SASS6: variants seen among roughly 807,000 people sequenced by gnomAD.
SASS6 encodes the protein spindle assembly abnormal protein 6 homolog.
Under a neutral mutation model 94.9 loss-of-function variants are expected in SASS6, and 59 were observed. The observed-to-expected ratio is 0.62, with a 90% CI of 0.50 to 0.77. The LOEUF (loss-of-function observed/expected upper bound fraction) is 0.77, where lower values mean the gene tolerates loss of function less well. Ranked by LOEUF, SASS6 falls within the 30% of genes least tolerant of loss-of-function variation. SASS6 has a pLI of 0.00. For synonymous variants in SASS6, 264 were observed against 270.0 expected (o/e 0.98, Z 0.22); for missense variants, 698 against 734.1 (o/e 0.95, Z 0.57).
At chr1:100,108,296 T>C (rs2101664814) in intron 8 of SASS6, among the ~76,000 whole-genome samples, 1 of 152,248 alleles carries the variant, frequency 6.6e-6, no homozygotes, top group East Asian at 1.9e-4. Flanking sequence ...TTTTCTGATG[T>C]CTCCACAACT....
intron 1 of SASS6, among the ~76,000 whole-genome samples, 154 bp downstream of exon 1, chr1:100,132,596 T>C (rs1655157507): frequency 6.6e-6 from 1 of 151,994 alleles, no homozygotes. Flanking sequence ...GTGAGAGAGG[T>C]AACCACCGGG....
intron 1 of SASS6, among the ~76,000 whole-genome samples, 186 bp from the exon 2 acceptor site, chr1:100,126,128 T>C (rs1035730451): frequency 5.9e-5 from 9 of 152,216 alleles, no homozygotes; most frequent in African/African-American, 2.2e-4. Flanking sequence ...TAGTGAGTAA[T>C]CTAGCAGTGT....
intron 14 of SASS6, among the ~76,000 whole-genome samples, chr1:100,099,879 A>G (rs1006296403): frequency 1.3e-5 from 2 of 152,198 alleles, no homozygotes; most frequent in Admixed American, 6.5e-5. Context: ...TTAAAAGAAA[A>G]AAGATAAATC....
chr1:100,083,806 A>G lies in SASS6; in HGVS notation c.*1522T>C, dbSNP rs1651020625. 6.6e-6 allele frequency: 1 copy of G among 151,948 alleles called. No individual in the cohort carries two copies. The highest frequency in any genetic ancestry group is 2.1e-4 in the South Asian group (1 of 4,834). 9.4% of individuals were successfully genotyped at this position (151,948 alleles called of 1,614,324 possible). A position where few individuals can be genotyped will look rare whatever the true frequency, so the allele number is the denominator to read the frequency against. On this transcript the variant is annotated 3_prime_UTR_variant, in exon 17 of 17. Coordinates refer to ENST00000287482, the MANE Select transcript of SASS6 (RefSeq NM_194292.3). ...ACTTTCCTTGTGTATATATATGCAA[A>G]GAGATACCTATATTTTAAAAAAGAG...
intron 8 of SASS6, among the ~76,000 whole-genome samples, chr1:100,108,989 A>G (rs944422483): frequency 1.3e-5 from 2 of 151,270 alleles, no homozygotes; most frequent in African/African-American, 4.9e-5. Context: ...GTTAAAAAAA[A>G]AAGCTCCAAG....
At chr1:100,109,946 A>C (rs374081406) in intron 8 of SASS6, among the ~76,000 whole-genome samples, 5 of 152,104 alleles carry the variant, frequency 3.3e-5, no homozygotes, top group African/African-American at 1.2e-4. Flanking sequence ...ATTGTTTGAT[A>C]TATGTTAAGC....
At chr1:100,115,028 TTTTAG>T (rs1294806406) in intron 7 of SASS6, among the ~76,000 whole-genome samples, 1 of 152,182 alleles carries the variant, frequency 6.6e-6, no homozygotes, top group African/African-American at 2.4e-5. Context: ...CAGTGAGATA[TTTTAG>T]TTATTTACCA....
chr1:100,107,547 C>A lies in SASS6; in HGVS notation c.1153G>T (p.Glu385Ter). ...TCCCCTTGTAACTTCTTGATAATTTCATTTGCCTATAAAAGAGCTTCATAT... is the reference window on the plus strand; with the variant it reads ...TCCCCTTGTAACTTCTTGATAATTTAATTTGCCTATAAAAGAGCTTCATAT... ...SLSAELLKANEIIKKLQGDLK... is the reference protein window; with the variant it reads ...SLSAELLKAN The change falls in exon 11 of 17, where the codon GAA becomes TAA. Residue 385 changes from glutamate to a stop codon, truncating the protein, a stop_gained. Transcript: ENST00000287482. LOFTEE classifies it high-confidence loss of function. The A allele has an allele frequency of 6.3e-7, 1 of 1,595,826 alleles. No individual in the cohort carries two copies. The highest frequency in any genetic ancestry group is 1.1e-5 in the South Asian group (1 of 88,432).
At chr1:100,093,088 C>T (rs151169616) in intron 14 of SASS6, among the ~76,000 whole-genome samples, 14 of 151,780 alleles carry the variant, frequency 9.2e-5, no homozygotes, top group African/African-American at 2.7e-4. Flanking sequence ...TATTATAATG[C>T]CTGGAGCAAC....
At chr1:100,110,554 G>A (rs1653247555) in intron 7 of SASS6, 71 bp from the exon 8 acceptor site, 3 of 767,522 alleles carry the variant, frequency 3.9e-6, no homozygotes, top group Non-Finnish European at 3.9e-6. Flanking sequence ...AGAAAGATTT[G>A]AACAAAAAAA....
chr1:100,090,598 G>C (rs765839100), intron 14 of SASS6, among the ~76,000 whole-genome samples: 14 of 152,116 alleles, frequency 9.2e-5, no homozygotes, highest in Non-Finnish European at 1.9e-4. Flanking sequence ...CTTTGAAGGA[G>C]GGGAATCATA....
At chr1:100,107,303 G>GT (rs1259652487) in intron 11 of SASS6, 71 bp downstream of exon 11, 1 of 923,860 alleles carries the variant, frequency 1.1e-6, no homozygotes, top group Non-Finnish European at 1.7e-6. Flanking sequence ...ATTTGTTAAT[G>GT]TAACAAAGCA....
In SASS6 at chr1:100,119,028, T is replaced by TTTTC; in HGVS notation, c.655_658dup (p.Lys220ArgfsTer15). 1 of 1,574,014 alleles carries TTTTC rather than the reference T, an allele frequency of 6.4e-7. No homozygotes were observed. Among genetic ancestry groups the TTTTC allele is most frequent in the Non-Finnish European group, 8.6e-7 (1 of 1,157,458 alleles). ...CTTTAATGTTCTTACCTGCAAGGCT[T>TTTTC]TTTCCTTTTCATTTGTCAGTTCCTG... On this transcript the variant is annotated frameshift_variant, in exon 7 of 17. Transcript: ENST00000287482. LOFTEE classifies it high-confidence loss of function.
intron 15 of SASS6, among the ~76,000 whole-genome samples, chr1:100,087,079 GGTTGAA>G (rs1157139552): frequency 1.3e-5 from 2 of 152,130 alleles, no homozygotes; most frequent in African/African-American, 4.8e-5. Context: ...TTGCCTCCTG[GGTTGAA>G]GCGATTCTCA....
chr1:100,110,372 T>C lies in SASS6; in HGVS notation c.781A>G (p.Asn261Asp). Reference protein sequence around the residue: ...QNRLSELEAANKDLTERKYKG... With the variant: ...QNRLSELEAADKDLTERKYKG... ...TATTTTCTTTCGGTTAAGTCTTTATTAGCCGCTTCTAACTCAGACAGTCTG... is the reference window on the plus strand; with the variant it reads ...TATTTTCTTTCGGTTAAGTCTTTATCAGCCGCTTCTAACTCAGACAGTCTG... Residue 261 changes from asparagine (N) to aspartate (D), a missense_variant, in exon 8 of 17, where the codon AAT (asparagine) becomes GAT (aspartate). Asn to Asp is a conservative substitution (Grantham distance 23). Coordinates refer to ENST00000287482, the MANE Select transcript of SASS6 (RefSeq NM_194292.3). The C allele has an allele frequency of 6.2e-7, 1 of 1,607,694 alleles. No individual in the cohort carries two copies. Among genetic ancestry groups the C allele is most frequent in the Non-Finnish European group, 8.5e-7 (1 of 1,174,974 alleles).
intron 15 of SASS6, 112 bp downstream of exon 15, chr1:100,088,027 T>G: frequency 1.8e-6 from 1 of 542,258 alleles, no homozygotes; most frequent in East Asian, 2.8e-5. Flanking sequence ...ATCAGTAACT[T>G]GAAATGTCTC....
rs192275494 is a variant in SASS6 at position 100,108,090 on chromosome 1, T to C, written c.862-86A>G. On this transcript the variant is annotated intron_variant, in intron 8 of 16. Transcript: ENST00000287482. The stretch of plus-strand genomic sequence containing the variant: ...ATTTATAATTAAGATGTCTAACATA[T>C]TAAAAAAAAGTCTTTAATAATTTTA... 32 of 730,732 alleles carry C rather than the reference T, an allele frequency of 4.4e-5. No homozygotes were observed. The East Asian group carries it at 9.2e-4, about 21-fold the overall frequency. 45.3% of individuals were successfully genotyped at this position (730,732 alleles called of 1,614,324 possible). A position where few individuals can be genotyped will look rare whatever the true frequency, so the allele number is the denominator to read the frequency against.
At chr1:100,123,079 G>GT in intron 3 of SASS6, 131 bp downstream of exon 3, 1 of 508,676 alleles carries the variant, frequency 2.0e-6, no homozygotes. Flanking sequence ...AGTAAAGATA[G>GT]TACAAATAGC....
In SASS6 at chr1:100,119,024, G is replaced by A; in HGVS notation, c.663C>T (p.Ala221=). 6.4e-7 allele frequency: 1 copy of A among 1,564,184 alleles called. No homozygotes were observed. Among genetic ancestry groups the A allele is most frequent in the African/African-American group, 1.4e-5 (1 of 73,634 alleles). The part of the protein sequence containing the change: ...SQELTNEKEK[A]LQAQVQYQQQ... Reference sequence around the variant, plus strand: ...TTTCCTTTAATGTTCTTACCTGCAAGGCTTTTTCCTTTTCATTTGTCAGTT... The same window carrying A: ...TTTCCTTTAATGTTCTTACCTGCAAAGCTTTTTCCTTTTCATTTGTCAGTT... The change falls in exon 7 of 17, where the codon GCC becomes GCT. Residue 221 remains alanine, a synonymous_variant. Transcript: ENST00000287482.
Sources: gnomAD v4.1 joint callset for allele counts (sites outside exome capture counted in the v4.1 genomes callset) on GRCh38, gnomAD v4.1.1 for gene constraint, MANE v1.5 for transcripts, NCBI Gene and HGNC (gene_info 2026-07-23, HGNC 2026-07-21) for gene names.